The following ZMYND11 variants were observed in gnomAD, a reference collection of about 807,000 sequenced individuals.
ZMYND11 encodes zinc finger MYND domain-containing protein 11.
Under a neutral mutation model 84.9 loss-of-function variants are expected in ZMYND11, and 9 were observed. The observed-to-expected ratio is 0.11, with a 90% CI of 0.06 to 0.18. The LOEUF is 0.18. Among genes scored for constraint, ZMYND11 ranks in the 10% least tolerant of loss-of-function variants. The probability of loss-of-function intolerance (pLI) is 1.00; values close to 1 mark genes in which losing one functional copy is unlikely to be tolerated. For synonymous variants in ZMYND11, 250 were observed against 244.1 expected, an observed-to-expected ratio of 1.02 and a Z score of -0.23; for missense variants, 409 against 761.0, an observed-to-expected ratio of 0.54 and a Z score of 5.44.
chr10:134,394 C>A (rs535896991), upstream of ZMYND11: 2 of 152,312 alleles, frequency 1.3e-5, no homozygotes, highest in African/African-American at 4.8e-5. Context: ...ATCTCCGAAC[C>A]TTTCTTAAAC....
rs573143750 is a variant in ZMYND11 at position 186,408 on chromosome 10, C to G, written c.116+6280C>G. Among the ~76,000 whole-genome samples the G allele has an allele frequency of 7.4e-3, 1,118 of 151,656 alleles. 6 individuals carry two copies. Among genetic ancestry groups the G allele is most frequent in the Non-Finnish European group, 0.011 (738 of 67,866 alleles). On this transcript the variant is annotated intron_variant, in intron 2 of 14. Coordinates refer to ENST00000381604, the MANE Select transcript of ZMYND11 (RefSeq NM_001370100.5). ...CTGTAATCCCAGCACTTAGGGAGAC[C>G]GAGGCAGGCAGATCACGAGGTCAGG...
At chr10:136,715 A>G (rs1282052400) in intron 1 of ZMYND11, among the ~76,000 whole-genome samples, 3 of 152,006 alleles carry the variant, frequency 2.0e-5, no homozygotes, top group Non-Finnish European at 2.9e-5. Context: ...CTGGTGTCAT[A>G]TATGCGGTGT....
chr10:172,822 C>T (rs1242602079), intron 1 of ZMYND11, among the ~76,000 whole-genome samples: 1 of 152,144 alleles, frequency 6.6e-6, no homozygotes, highest in Non-Finnish European at 1.5e-5. Flanking sequence ...AGGACTGATA[C>T]TACCTGACTT....
intron 5 of ZMYND11, 109 bp from the exon 6 acceptor site, chr10:237,476 C>G (rs1950178123): frequency 3.1e-6 from 2 of 645,678 alleles, no homozygotes; most frequent in South Asian, 5.3e-5. Context: ...GACCCTGTCT[C>G]TACAAAAATA....
chr10:235,886 C>G (rs1030229625), intron 4 of ZMYND11, among the ~76,000 whole-genome samples: 1 of 152,194 alleles, frequency 6.6e-6, no homozygotes, highest in African/African-American at 2.4e-5. Context: ...AGTGTACGTA[C>G]GTATAATCAA....
intron 1 of ZMYND11, among the ~76,000 whole-genome samples, chr10:144,700 C>G (rs1302056378): frequency 4.8e-5 from 5 of 103,722 alleles, no homozygotes; most frequent in Non-Finnish European, 9.2e-5. Context: ...GGGGTTGAGT[C>G]TGGGCTCTAA....
intron 3 of ZMYND11, among the ~76,000 whole-genome samples, chr10:218,132 A>C (rs553984373): frequency 1.3e-5 from 2 of 152,332 alleles, no homozygotes; most frequent in South Asian, 4.1e-4. Context: ...TTTATTAGCA[A>C]AATATTTTTC....
intron 1 of ZMYND11, among the ~76,000 whole-genome samples, chr10:150,624 G>T (rs1840105094): frequency 6.6e-6 from 1 of 152,088 alleles, no homozygotes; most frequent in Admixed American, 6.5e-5. Context: ...GCAGCTCAAG[G>T]AGGCCTGCCT....
At chr10:192,071 G>C (rs971717336) in intron 2 of ZMYND11, among the ~76,000 whole-genome samples, 24 of 152,306 alleles carry the variant, frequency 1.6e-4, no homozygotes, top group African/African-American at 5.3e-4. Context: ...TAAGTGACTT[G>C]TCCAAAGTTA....
rs1953838306 is a variant in ZMYND11, at chr10:253,250, C to A, written c.*780C>A. ...CTTGTAACAAAATAAACAACAAAAA[C>A]AAAGCCAAAAACTACCTTTATCCAT... is the stretch of plus-strand genomic sequence containing the variant. On this transcript the variant is annotated 3_prime_UTR_variant, in exon 15 of 15. Transcript: ENST00000381604. 1 of 152,562 alleles carries A rather than the reference C, an allele frequency of 6.6e-6. No homozygotes were observed. The highest frequency in any genetic ancestry group is 6.5e-5 in the Admixed American group (1 of 15,274). The allele number at this position is 152,562 out of a possible 1,614,324, so 9.5% of individuals were successfully genotyped here. A position where few individuals can be genotyped will look rare whatever the true frequency, so the allele number is the denominator to read the frequency against.
chr10:146,929 G>A (rs782635119), intron 1 of ZMYND11, among the ~76,000 whole-genome samples: 7 of 152,266 alleles, frequency 4.6e-5, no homozygotes, highest in Non-Finnish European at 7.3e-5. Context: ...CTTCTGCCAT[G>A]ATTGTGAGGT....
chr10:162,510 C>T (rs561872382), intron 1 of ZMYND11, among the ~76,000 whole-genome samples: 2 of 151,864 alleles, frequency 1.3e-5, no homozygotes, highest in African/African-American at 2.4e-5. Flanking sequence ...TGAGTTATGC[C>T]TGTATATTAA....
upstream of ZMYND11, chr10:135,187 G>C (rs1353836359): frequency 1.3e-5 from 2 of 151,100 alleles, no homozygotes; most frequent in South Asian, 2.1e-4. The surrounding 1 kb of genome is among the most constrained non-coding windows in gnomAD (Gnocchi z 5.6). Context: ...GGCCCGCGGC[G>C]CCAGGGGAAG....
chr10:242,083 C>A lies in ZMYND11; in HGVS notation c.894C>A (p.Val298=). Residue 298 remains valine (V), a synonymous_variant, in exon 10 of 15, where the codon GTC becomes GTA. Coordinates refer to ENST00000381604, the MANE Select transcript of ZMYND11 (RefSeq NM_001370100.5). The part of the protein sequence containing the change: ...MKGFGFWPAK[V]MQKEDNQVDV... ...GTTTTGGGTTTTGGCCAGCCAAAGT[C>A]ATGCAGAAAGAAGACAATCAAGTCG... is the stretch of plus-strand genomic sequence containing the variant. The A allele has an allele frequency of 6.2e-7, 1 of 1,613,964 alleles. No individual in the cohort carries two copies.
At chr10:237,017 A>G in intron 5 of ZMYND11, 102 bp downstream of exon 5, 2 of 1,103,426 alleles carry the variant, frequency 1.8e-6, no homozygotes, top group South Asian at 1.5e-5. Context: ...ATATGTACAT[A>G]GCAATATGAA....
At chr10:224,798 A>G (rs1312489349) in intron 4 of ZMYND11, among the ~76,000 whole-genome samples, 2 of 152,156 alleles carry the variant, frequency 1.3e-5, no homozygotes, top group African/African-American at 4.8e-5. Flanking sequence ...CCAGTTCCTC[A>G]TGTAGCAGGT....
intron 1 of ZMYND11, among the ~76,000 whole-genome samples, chr10:154,557 T>C (rs1841241857): frequency 6.6e-6 from 1 of 152,182 alleles, no homozygotes; most frequent in African/African-American, 2.4e-5. Context: ...AGCTGCTCCA[T>C]GCATGTCTGA....
chr10:221,281 G>T lies in ZMYND11; in HGVS notation c.363G>T (p.Val121=). 1.2e-6 allele frequency: 2 copies of T among 1,614,020 alleles called. No homozygotes were observed. Among genetic ancestry groups the T allele is most frequent in the Non-Finnish European group, 1.7e-6 (2 of 1,179,920 alleles). The stretch of plus-strand genomic sequence containing the variant: ...TGATATGTGACCTGTGTTTTCGTGT[G>T]TATCATTCCAAGTGTTTGTCTGATG... The part of the protein sequence containing the change: ...EVLICDLCFR[V]YHSKCLSDEF... Residue 121 remains valine (V), a synonymous_variant, in exon 4 of 15, where the codon GTG becomes GTT. Transcript: ENST00000381604.
intron 4 of ZMYND11, among the ~76,000 whole-genome samples, chr10:234,309 G>A (rs1354728160): frequency 6.6e-6 from 1 of 152,258 alleles, no homozygotes; most frequent in Non-Finnish European, 1.5e-5. Context: ...AGCCAGGCTG[G>A]TCAGCAGGGC....
Sources: gnomAD v4.1 joint callset for allele counts (sites outside exome capture counted in the v4.1 genomes callset) on GRCh38, gnomAD v4.1.1 for gene constraint, Gnocchi (gnomAD v3.1) non-coding constraint, MANE v1.5 for transcripts, NCBI Gene and HGNC (gene_info 2026-07-23, HGNC 2026-07-21) for gene names.